Variants in GLIS3 observed in about 807,000 individuals in gnomAD.
The protein encoded by GLIS3 is zinc finger protein GLIS3.
A neutral mutation model predicts 78.6 loss-of-function variants in GLIS3; 53 were observed. That is an observed-to-expected ratio of 0.67 (90% CI 0.54 to 0.85). GLIS3 has a LOEUF of 0.85. Ranked by LOEUF, GLIS3 falls within the 40% of genes least tolerant of loss-of-function variation. The probability of loss-of-function intolerance (pLI) is 0.00; values close to 1 mark genes in which losing one functional copy is unlikely to be tolerated. For synonymous variants in GLIS3, 684 were observed against 509.9 expected (o/e 1.34, Z -4.60); for missense variants, 1,703 against 1,231.1 (o/e 1.38, Z -5.74).
In GLIS3 at chr9:3,998,948, C is replaced by A. The variant is rs537767301; in HGVS notation, c.1711-61759G>T. 3.9e-4 allele frequency among the ~76,000 whole-genome samples: 59 copies of A among 151,874 alleles called. 2 individuals carry two copies. In the South Asian group the frequency reaches 0.011, roughly 28 times the overall value. ...CTTATCTATCCTGTACTTCTTTTTG[C>A]AAAATTAAGCAAATAAATACCAAGA... On this transcript the variant is annotated intron_variant, in intron 4 of 10. Coordinates refer to ENST00000381971, the MANE Select transcript of GLIS3 (RefSeq NM_001042413.2).
intron 2 of GLIS3, among the ~76,000 whole-genome samples, chr9:4,207,861 A>G: frequency 6.6e-6 from 1 of 152,256 alleles, no homozygotes; most frequent in East Asian, 1.9e-4. Flanking sequence ...TTTTAAGATC[A>G]CTTTTGGGTC....
intron 4 of GLIS3, among the ~76,000 whole-genome samples, chr9:4,072,679 G>C (rs985289971): frequency 6.6e-6 from 1 of 151,162 alleles, no homozygotes; most frequent in Non-Finnish European, 1.5e-5. Context: ...TTTTTTTAAT[G>C]ACATCCTGCT....
the GLIS3 span, among the ~76,000 whole-genome samples, chr9:4,449,572 G>A: frequency 6.6e-6 from 1 of 152,162 alleles, no homozygotes; most frequent in African/African-American, 2.4e-5. Flanking sequence ...CCCAGTAGGG[G>A]CCAATTGATA....
At chr9:4,463,847 G>A in the GLIS3 span, among the ~76,000 whole-genome samples, 1 of 152,178 alleles carries the variant, frequency 6.6e-6, no homozygotes, top group Non-Finnish European at 1.5e-5. Flanking sequence ...GTGCAGGAGT[G>A]CAGGCAGTCA....
chr9:3,927,108 G>T (rs789006), intron 6 of GLIS3, among the ~76,000 whole-genome samples: 2 of 151,954 alleles, frequency 1.3e-5, no homozygotes, highest in Admixed American at 6.5e-5. Context: ...TACTGTTGTT[G>T]GACTTTCATG....
intron 4 of GLIS3, among the ~76,000 whole-genome samples, chr9:4,075,217 A>T (rs1233003075): frequency 6.6e-6 from 1 of 152,128 alleles, no homozygotes; most frequent in Non-Finnish European, 1.5e-5. Flanking sequence ...TATACATTAA[A>T]TATGTGCAAC....
chr9:4,041,232 G>T (rs2130366004), intron 4 of GLIS3, among the ~76,000 whole-genome samples: 1 of 152,250 alleles, frequency 6.6e-6, no homozygotes, highest in South Asian at 2.1e-4. Context: ...GATATCTTTG[G>T]TTGTTAAAAC....
chr9:4,034,725 C>T (rs1215895943), intron 4 of GLIS3: 1 of 152,222 alleles, frequency 6.6e-6, no homozygotes, highest in Non-Finnish European at 1.5e-5. Flanking sequence ...TTTCTGCCCT[C>T]AGGAGCCCTT....
chr9:3,948,126 T>C (rs1242551325), intron 4 of GLIS3, among the ~76,000 whole-genome samples: 1 of 152,210 alleles, frequency 6.6e-6, no homozygotes, highest in African/African-American at 2.4e-5. Flanking sequence ...ATCAAAACCA[T>C]TCACTTGCTT....
chr9:4,414,453 G>C, the GLIS3 span, among the ~76,000 whole-genome samples: 3 of 152,078 alleles, frequency 2.0e-5, no homozygotes, highest in Non-Finnish European at 2.9e-5. Context: ...CTTACACCTC[G>C]GTTGAACCTC....
chr9:4,297,122 A>C (rs1332450044), intron 1 of GLIS3, among the ~76,000 whole-genome samples: 8 of 129,282 alleles, frequency 6.2e-5, no homozygotes, highest in African/African-American at 2.6e-4. Flanking sequence ...TTTGTACCCA[A>C]AAAAAAAAAA....
intron 2 of GLIS3, among the ~76,000 whole-genome samples, chr9:4,185,348 A>G (rs561514641): frequency 1.2e-4 from 19 of 152,320 alleles, no homozygotes; most frequent in African/African-American, 4.6e-4. Flanking sequence ...TTGTTTATCC[A>G]TTCACCAGCT....
chr9:4,120,245 T>A (rs1355758514), intron 3 of GLIS3, among the ~76,000 whole-genome samples: 1 of 152,210 alleles, frequency 6.6e-6, no homozygotes, highest in Non-Finnish European at 1.5e-5. Context: ...CATACAAGCA[T>A]ATGATATTAG....
intron 2 of GLIS3, among the ~76,000 whole-genome samples, chr9:4,191,681 T>C (rs933370868): frequency 2.0e-5 from 3 of 152,186 alleles, no homozygotes; most frequent in African/African-American, 7.2e-5. Flanking sequence ...GAAAGCATTT[T>C]AATAAATATG....
At chr9:4,354,547 T>C in the GLIS3 span, among the ~76,000 whole-genome samples, 3 of 152,182 alleles carry the variant, frequency 2.0e-5, no homozygotes, top group Non-Finnish European at 4.4e-5. Context: ...ACGTGACCCA[T>C]CTTATTCAGG....
chr9:3,993,001 C>A (rs984263587), intron 4 of GLIS3, among the ~76,000 whole-genome samples: 1 of 152,142 alleles, frequency 6.6e-6, no homozygotes, highest in Non-Finnish European at 1.5e-5. Context: ...CTCAGTAAGG[C>A]CGGCTGCCAG....
chr9:4,446,728 T>A, the GLIS3 span, among the ~76,000 whole-genome samples: 1 of 151,384 alleles, frequency 6.6e-6, no homozygotes, highest in Non-Finnish European at 1.5e-5. Context: ...TTGGCCAGAC[T>A]GGTCTCAAAC....
chr9:4,328,471 G>A (rs1326797532), intron 2 of GLIS3, among the ~76,000 whole-genome samples: 1 of 152,200 alleles, frequency 6.6e-6, no homozygotes, highest in Non-Finnish European at 1.5e-5. Flanking sequence ...CTTTTCACCA[G>A]TGTGTACAGG....
chr9:3,953,773 C>A lies in GLIS3; in HGVS notation c.1711-16584G>T, dbSNP rs1479794519. ...ATAATTAGATTTGCTCTCTCTCTCT[C>A]TCTCTCTCTCTCTCTCTCTCTCTAT... On this transcript the variant is annotated intron_variant, in intron 4 of 10. Transcript: ENST00000381971. Among the ~76,000 whole-genome samples the A allele has an allele frequency of 7.1e-3, 260 of 36,390 alleles. 2 individuals are homozygous for A. The highest frequency in any genetic ancestry group is 0.027 in the African/African-American group (249 of 9,366). The allele number at this position is 36,390 out of a possible 152,430, so 23.9% of individuals were successfully genotyped here. A position where few individuals can be genotyped will look rare whatever the true frequency, so the allele number is the denominator to read the frequency against.
Sources: gnomAD v4.1 joint callset for allele counts (sites outside exome capture counted in the v4.1 genomes callset) on GRCh38, gnomAD v4.1.1 for gene constraint, MANE v1.5 for transcripts, NCBI Gene and HGNC (gene_info 2026-07-23, HGNC 2026-07-21) for gene names.